The following SPOCK1 variants were observed in gnomAD, a reference collection of about 807,000 sequenced individuals.
SPOCK1 encodes testican-1.
In SPOCK1, 23 loss-of-function variants were observed where a neutral mutation model predicts 55.3. The ratio of observed to expected loss-of-function variants is 0.42; its 90% CI spans 0.30 to 0.59. SPOCK1 has a LOEUF of 0.59. Among genes scored for constraint, SPOCK1 ranks in the 20% least tolerant of loss-of-function variants. The pLI is 0.22. For synonymous variants in SPOCK1, 226 were observed against 221.0 expected (o/e 1.02, Z -0.20); for missense variants, 499 against 552.5 (o/e 0.90, Z 0.97).
intron 5 of SPOCK1, among the ~76,000 whole-genome samples, chr5:137,077,146 G>C (rs1290112532): frequency 1.3e-5 from 2 of 152,164 alleles, no homozygotes; most frequent in African/African-American, 4.8e-5. Context: ...GGATGGTCTC[G>C]ATCTCCTGAC....
intron 5 of SPOCK1, among the ~76,000 whole-genome samples, chr5:137,081,385 G>C (rs72792587): frequency 1.3e-5 from 2 of 152,150 alleles, no homozygotes; most frequent in African/African-American, 4.8e-5. Context: ...TCTGAAAATG[G>C]AAAAACAGAT....
intron 4 of SPOCK1, among the ~76,000 whole-genome samples, chr5:137,125,526 T>A (rs771965810): frequency 5.3e-5 from 8 of 152,074 alleles, no homozygotes; most frequent in Non-Finnish European, 1.0e-4. Context: ...TTAGTGCCCT[T>A]ATAAAAGAGA....
At chr5:137,460,392 A>G (rs1392087977) in intron 2 of SPOCK1, among the ~76,000 whole-genome samples, 1 of 152,160 alleles carries the variant, frequency 6.6e-6, no homozygotes, top group African/African-American at 2.4e-5. Context: ...TTCCAGGTCA[A>G]GGTACGGGAT....
At chr5:137,088,116 G>A (rs1327889512) in intron 5 of SPOCK1, among the ~76,000 whole-genome samples, 2 of 152,180 alleles carry the variant, frequency 1.3e-5, no homozygotes, top group African/African-American at 4.8e-5. Context: ...ACAGGAGGCT[G>A]GACTAGATGA....
chr5:137,044,666 A>T lies in SPOCK1; in HGVS notation c.589+23049T>A, dbSNP rs930395738. On this transcript the variant is annotated intron_variant, in intron 6 of 10. Coordinates refer to ENST00000394945, the MANE Select transcript of SPOCK1 (RefSeq NM_004598.4). ...TCTTTTTTTTTTATTATTATACTTT[A>T]AGTTTTAGGGTACATGTGCACATTG... Among the ~76,000 whole-genome samples the T allele has an allele frequency of 3.3e-5, 5 of 151,906 alleles. No homozygotes were observed. The South Asian group carries it at 1.0e-3, about 32-fold the overall frequency.
chr5:137,364,396 C>G (rs1751013066), intron 2 of SPOCK1, among the ~76,000 whole-genome samples: 1 of 152,150 alleles, frequency 6.6e-6, no homozygotes, highest in South Asian at 2.1e-4. Context: ...CAGTGGAAAG[C>G]TAAGTGACCT....
At chr5:137,335,382 T>C (rs1269984426) in intron 2 of SPOCK1, among the ~76,000 whole-genome samples, 3 of 152,208 alleles carry the variant, frequency 2.0e-5, no homozygotes, top group African/African-American at 7.2e-5. Flanking sequence ...ATGTTTATAG[T>C]AATTGTTCTT....
intron 2 of SPOCK1, among the ~76,000 whole-genome samples, chr5:137,387,153 A>T (rs1374678304): frequency 6.6e-6 from 1 of 152,240 alleles, no homozygotes; most frequent in African/African-American, 2.4e-5. Context: ...CAGAACACTG[A>T]CACCACCAAA....
At chr5:137,019,684 G>C (rs900761328) in intron 6 of SPOCK1, among the ~76,000 whole-genome samples, 1 of 151,978 alleles carries the variant, frequency 6.6e-6, no homozygotes, top group Non-Finnish European at 1.5e-5. Flanking sequence ...ACAAAAAATA[G>C]ATATTTTGCA....
intron 2 of SPOCK1, among the ~76,000 whole-genome samples, chr5:137,385,687 A>G (rs187939298): frequency 7.9e-5 from 12 of 152,272 alleles, no homozygotes; most frequent in Admixed American, 7.8e-4. Context: ...TGAGCCCACA[A>G]CTTTACCTCC....
chr5:137,153,327 T>C (rs997087285), intron 3 of SPOCK1, among the ~76,000 whole-genome samples: 2 of 152,236 alleles, frequency 1.3e-5, no homozygotes, highest in Non-Finnish European at 2.9e-5. Context: ...CCTGGAGTAT[T>C]TCCAGACCAA....
intron 6 of SPOCK1, among the ~76,000 whole-genome samples, chr5:137,002,038 T>G (rs1751164534): frequency 6.6e-6 from 1 of 152,166 alleles, no homozygotes; most frequent in African/African-American, 2.4e-5. Context: ...CTCTTATCCT[T>G]AGAGAATGCG....
At chr5:137,354,435 A>G (rs1019271652) in intron 2 of SPOCK1, among the ~76,000 whole-genome samples, 1 of 151,698 alleles carries the variant, frequency 6.6e-6, no homozygotes, top group South Asian at 2.1e-4. Flanking sequence ...TGACCCCCCC[A>G]GGCAGCCTCC....
chr5:137,081,848 C>T (rs1046943072), intron 5 of SPOCK1, among the ~76,000 whole-genome samples: 15 of 152,224 alleles, frequency 9.9e-5, no homozygotes, highest in Admixed American at 7.2e-4. Context: ...GTGAAAAATA[C>T]GTTTAAGTAA....
chr5:137,226,083 C>T (rs1865401), intron 3 of SPOCK1, among the ~76,000 whole-genome samples: 1 of 151,942 alleles, frequency 6.6e-6, no homozygotes, highest in Non-Finnish European at 1.5e-5. Context: ...GGGTTTTTGA[C>T]ACAAGACTAT....
intron 6 of SPOCK1, among the ~76,000 whole-genome samples, chr5:137,036,965 C>G (rs1231796104): frequency 6.6e-6 from 1 of 152,036 alleles, no homozygotes; most frequent in Non-Finnish European, 1.5e-5. Context: ...CCCGGCAGCC[C>G]TGGGAGAGAG....
chr5:137,246,454 AAACAT>A (rs1426477529), intron 3 of SPOCK1, among the ~76,000 whole-genome samples: 1 of 152,224 alleles, frequency 6.6e-6, no homozygotes, highest in East Asian at 1.9e-4. Flanking sequence ...TCCTGGAATC[AAACAT>A]AACATATTTT....
chr5:137,332,583 G>A (rs567155044), intron 2 of SPOCK1, among the ~76,000 whole-genome samples: 2 of 152,194 alleles, frequency 1.3e-5, no homozygotes, highest in Non-Finnish European at 2.9e-5. Context: ...CCACTTCTAT[G>A]GGCTGGAGGA....
intron 2 of SPOCK1, among the ~76,000 whole-genome samples, chr5:137,284,911 C>T (rs772588152): frequency 1.3e-5 from 2 of 151,174 alleles, no homozygotes; most frequent in Non-Finnish European, 2.9e-5. Flanking sequence ...CTCTGCATGG[C>T]TCCTGGGTAG....
Sources: gnomAD v4.1 joint callset for allele counts (sites outside exome capture counted in the v4.1 genomes callset) on GRCh38, gnomAD v4.1.1 for gene constraint, MANE v1.5 for transcripts, NCBI Gene and HGNC (gene_info 2026-07-23, HGNC 2026-07-21) for gene names.